The following SLIT1 variants were observed in gnomAD, a reference collection of about 807,000 sequenced individuals.
SLIT1 encodes the protein slit homolog 1 protein.
A neutral mutation model predicts 186.1 loss-of-function variants in SLIT1; 66 were observed. That is an observed-to-expected ratio of 0.35 (90% CI 0.29 to 0.44). The LOEUF (loss-of-function observed/expected upper bound fraction) is 0.44, where lower values mean the gene tolerates loss of function less well. SLIT1 is among the 20% of genes least tolerant of loss of function. The pLI, the probability that SLIT1 is intolerant of heterozygous loss-of-function variation, is 1.00. For synonymous variants in SLIT1, 761 were observed against 833.8 expected, an observed-to-expected ratio of 0.91 and a Z score of 1.50; for missense variants, 1,638 against 2,037.4, an observed-to-expected ratio of 0.80 and a Z score of 3.77.
chr10:97,156,682 C>T (rs143785615), intron 4 of SLIT1, among the ~76,000 whole-genome samples: 1 of 152,284 alleles, frequency 6.6e-6, no homozygotes, highest in Non-Finnish European at 1.5e-5. Context: ...AAAGAACTAG[C>T]TGTGTTTAAT....
intron 5 of SLIT1, chr10:97,065,719 T>C (rs1159920691): frequency 6.2e-6 from 2 of 324,770 alleles, no homozygotes; most frequent in African/African-American, 4.1e-5. Flanking sequence ...GCACAGACAC[T>C]GTGCCACCTA....
At chr10:97,024,549 C>A (rs1401656628) in intron 25 of SLIT1, among the ~76,000 whole-genome samples, 4 of 152,038 alleles carry the variant, frequency 2.6e-5, no homozygotes, top group Non-Finnish European at 5.9e-5. Context: ...TCCTGGCTAA[C>A]GGGATGGGTG....
intron 28 of SLIT1, among the ~76,000 whole-genome samples, chr10:97,018,161 T>C (rs775251920): frequency 2.6e-5 from 4 of 152,090 alleles, no homozygotes; most frequent in Non-Finnish European, 4.4e-5. Flanking sequence ...TGGAAATTTA[T>C]AGGAATTTCA....
At chr10:97,012,089 C>A in intron 30 of SLIT1, among the ~76,000 whole-genome samples, 1 of 140,348 alleles carries the variant, frequency 7.1e-6, no homozygotes, top group East Asian at 2.2e-4. Flanking sequence ...CACACACACA[C>A]ACACACACAC....
intron 3 of SLIT1, among the ~76,000 whole-genome samples, chr10:97,161,171 G>A (rs1162685713): frequency 2.0e-5 from 3 of 152,182 alleles, no homozygotes; most frequent in African/African-American, 7.2e-5. Flanking sequence ...CTCACCCAGT[G>A]GGGTCATGTC....
intron 25 of SLIT1, among the ~76,000 whole-genome samples, chr10:97,029,990 T>C (rs1047019599): frequency 2.0e-5 from 3 of 152,208 alleles, no homozygotes; most frequent in African/African-American, 7.2e-5. Context: ...CAATACCCCA[T>C]TGTATGTATG....
chr10:97,127,988 C>G (rs1849619168), intron 4 of SLIT1, among the ~76,000 whole-genome samples: 1 of 152,194 alleles, frequency 6.6e-6, no homozygotes, highest in South Asian at 2.1e-4. Flanking sequence ...CCACTCAGAA[C>G]AGACCCAGCT....
rs1041291669 is a variant in SLIT1, at chr10:97,185,815, G to A, written c.-141C>T. On this transcript the variant is annotated 5_prime_UTR_variant, in exon 1 of 37. Transcript: ENST00000266058. ...TGCGCGCGGCGCCCCTGCGGGCTGGGAGGCACCTTGCTCCTCCAAGCGACG... is the reference window on the plus strand; with the variant it reads ...TGCGCGCGGCGCCCCTGCGGGCTGGAAGGCACCTTGCTCCTCCAAGCGACG... 83 of 703,876 alleles carry A rather than the reference G, an allele frequency of 1.2e-4. 1 individual carries two copies. Among genetic ancestry groups the A allele is most frequent in the Middle Eastern group, 4.2e-4 (1 of 2,394 alleles). 43.6% of individuals were successfully genotyped at this position (703,876 alleles called of 1,614,324 possible).
intron 31 of SLIT1, among the ~76,000 whole-genome samples, chr10:97,008,883 T>C (rs1344077264): frequency 1.4e-5 from 2 of 140,406 alleles, no homozygotes; most frequent in Admixed American, 1.4e-4. Context: ...TATTTATTTA[T>C]TATTATTATT....
chr10:97,049,695 G>A (rs1848770335), intron 13 of SLIT1, among the ~76,000 whole-genome samples: 1 of 152,140 alleles, frequency 6.6e-6, no homozygotes, highest in African/African-American at 2.4e-5. Context: ...TTCACAGGGA[G>A]TCACCATCCC....
At position 97,060,093 on chromosome 10, in the gene SLIT1, C is replaced by T. The variant is rs747044070; in HGVS notation, c.1007G>A (p.Arg336Gln). The T allele has an allele frequency of 2.7e-5, 44 of 1,613,102 alleles. No individual in the cohort carries two copies. Among genetic ancestry groups the T allele is most frequent in the Non-Finnish European group, 3.6e-5 (42 of 1,179,164 alleles). Residue 336 changes from arginine (R) to glutamine (Q), a missense_variant, in exon 10 of 37, where the codon CGG becomes CAG. By Grantham distance (43) the Arg-to-Gln change is conservative. Around this residue, in one of 3 missense-constraint regions of SLIT1, gnomAD observed 1,245 missense variants for 1,535.3 expected, o/e 0.81. Coordinates refer to ENST00000266058, the MANE Select transcript of SLIT1 (RefSeq NM_003061.3). ...AGCAGTGGGAGGCACTCACATCCTC[C>T]GTAGCTTTCTGTAGGGTGAGAAGGC... The part of the protein sequence containing the change: ...PGAFSPYRKL[R>Q]RIDLSNNQIA...
intron 11 of SLIT1, among the ~76,000 whole-genome samples, chr10:97,059,081 G>C (rs1271982320): frequency 6.6e-6 from 1 of 152,212 alleles, no homozygotes; most frequent in African/African-American, 2.4e-5. Context: ...CTGGCCCTGC[G>C]GTGACTGCAG....
rs1589358028 is a variant in SLIT1, at chr10:97,000,466, A to C, written c.*646T>G. 2 of 152,414 alleles carry C rather than the reference A, an allele frequency of 1.3e-5. No individual in the cohort carries two copies. The highest frequency in any genetic ancestry group is 4.1e-4 in the South Asian group (2 of 4,838). The allele number at this position is 152,414 out of a possible 1,614,324, so 9.4% of individuals were successfully genotyped here. ...AGGATTCAGAGGCCTGGTCCTAAGA[A>C]CCACCTCCACCCACAGCCTCGTTCC... On this transcript the variant is annotated 3_prime_UTR_variant, in exon 37 of 37. Transcript: ENST00000266058.
chr10:97,119,943 A>ATATATATATG (rs1298104412), intron 4 of SLIT1, among the ~76,000 whole-genome samples: 3 of 135,422 alleles, frequency 2.2e-5, no homozygotes, highest in Admixed American at 7.3e-5. Flanking sequence ...ATATATATAT[A>ATATATATATG]TATGTATATG....
intron 1 of SLIT1, among the ~76,000 whole-genome samples, chr10:97,172,908 C>T (rs1189384366): frequency 1.4e-5 from 2 of 139,712 alleles, no homozygotes; most frequent in Non-Finnish European, 3.1e-5. Context: ...AAAAGAAAAA[C>T]AGAAAGAAAG....
chr10:97,002,603 C>T, intron 35 of SLIT1, 101 bp downstream of exon 35: 1 of 1,162,168 alleles, frequency 8.6e-7, no homozygotes. Flanking sequence ...CTGGCTTAGG[C>T]TACATGTTCT....
intron 25 of SLIT1, among the ~76,000 whole-genome samples, chr10:97,028,249 C>G (rs7091937): frequency 0.068 from 10,367 of 152,224 alleles, 476 homozygotes; most frequent in East Asian, 0.23. Flanking sequence ...CCAGAGGCAC[C>G]ACCTCCAGCA....
At chr10:97,129,644 C>T (rs532287738) in intron 4 of SLIT1, among the ~76,000 whole-genome samples, 1 of 152,262 alleles carries the variant, frequency 6.6e-6, no homozygotes, top group South Asian at 2.1e-4. Flanking sequence ...CCTTCCCTCC[C>T]CTGCCCTGGG....
chr10:97,080,235 C>A (rs1415513844), intron 4 of SLIT1, among the ~76,000 whole-genome samples: 1 of 152,088 alleles, frequency 6.6e-6, no homozygotes, highest in African/African-American at 2.4e-5. Context: ...TTTCCTGGGT[C>A]TAAAACCAAG....
Sources: allele counts gnomAD v4.1 joint callset (sites outside exome capture counted in the v4.1 genomes callset), GRCh38; gene constraint gnomAD v4.1.1; regional missense constraint gnomAD v4.1.1; transcripts MANE v1.5; gene names NCBI Gene and HGNC (gene_info 2026-07-23, HGNC 2026-07-21).